AKAP9: variants seen among roughly 807,000 people sequenced by gnomAD.
The protein encoded by AKAP9 is A-kinase anchoring protein 9, also known as A-kinase anchor protein 9.
Under a neutral mutation model 488.5 loss-of-function variants are expected in AKAP9, and 311 were observed. The ratio of observed to expected loss-of-function variants is 0.64; its 90% CI spans 0.58 to 0.70. The LOEUF (loss-of-function observed/expected upper bound fraction) is 0.70. AKAP9 is among the 30% of genes least tolerant of loss of function. AKAP9 has a pLI of 0.00. For missense variants in AKAP9, 4,215 were observed against 4,374.5 expected (o/e 0.96, Z 1.03); for synonymous variants, 1,462 against 1,483.5 (o/e 0.99, Z 0.33).
intron 8 of AKAP9, among the ~76,000 whole-genome samples, chr7:92,010,588 G>A (rs1042867010): frequency 3.9e-4 from 59 of 152,118 alleles, no homozygotes; most frequent in African/African-American, 1.4e-3. Flanking sequence ...TAAACTCCTG[G>A]GCTCAAGCAG....
chr7:91,974,803 ATTTGT>A (rs1316701412), intron 2 of AKAP9, among the ~76,000 whole-genome samples: 1 of 151,176 alleles, frequency 6.6e-6, no homozygotes, highest in Non-Finnish European at 1.5e-5. Flanking sequence ...AACGTCTCAC[ATTTGT>A]TTTGTTAAAT....
intron 2 of AKAP9, among the ~76,000 whole-genome samples, chr7:91,978,700 G>A (rs1379813826): frequency 6.6e-6 from 1 of 151,878 alleles, no homozygotes; most frequent in African/African-American, 2.4e-5. Flanking sequence ...GCATCATGAT[G>A]ATATGATTTT....
In AKAP9 at chr7:92,045,175, C is replaced by T. The variant is rs747099944; in HGVS notation, c.5330C>T (p.Ala1777Val). 2 of 1,613,688 alleles carry T rather than the reference C, an allele frequency of 1.2e-6. No individual in the cohort carries two copies. Among genetic ancestry groups the T allele is most frequent in the East Asian group, 4.5e-5 (2 of 44,862 alleles). The change falls in exon 21 of 50, where the codon GCA becomes GTA. Residue 1777 changes from alanine to valine, a missense_variant. By Grantham distance (64) the Ala-to-Val change is moderately conservative. Around this residue, in one of 5 missense-constraint regions of AKAP9, gnomAD observed 2,361 missense variants for 2,430.0 expected, o/e 0.97. Transcript: ENST00000356239. The part of the protein sequence containing the change: ...ASLIWRSEAE[A>V]SVKSCVHEEH... ...CTAATTTGGAGGTCAGAAGCAGAGGCATCTGTAAAGTCATGTGTCCATGAG... is the reference window on the plus strand; with the variant it reads ...CTAATTTGGAGGTCAGAAGCAGAGGTATCTGTAAAGTCATGTGTCCATGAG...
At chr7:92,062,555 G>A in intron 24 of AKAP9, 69 bp downstream of exon 24, 1 of 1,401,790 alleles carries the variant, frequency 7.1e-7, no homozygotes, top group South Asian at 1.2e-5. Flanking sequence ...GGCTTAAGGT[G>A]GCTTTTTTCC....
At chr7:91,942,931 A>G (rs1238564473) in intron 1 of AKAP9, among the ~76,000 whole-genome samples, 1 of 152,042 alleles carries the variant, frequency 6.6e-6, no homozygotes, top group Non-Finnish European at 1.5e-5. Context: ...TAGCTATACA[A>G]TATAAAAATG....
intron 3 of AKAP9, 74 bp from the exon 4 acceptor site, chr7:91,992,084 G>C: frequency 2.4e-6 from 3 of 1,249,844 alleles, no homozygotes; most frequent in Non-Finnish European, 3.5e-6. Flanking sequence ...CGTGAATACA[G>C]TTAACAGAAA....
intron 1 of AKAP9, among the ~76,000 whole-genome samples, chr7:91,952,265 A>G (rs1051026050): frequency 6.6e-6 from 1 of 152,216 alleles, no homozygotes; most frequent in Non-Finnish European, 1.5e-5. Context: ...ACAGGGAGCT[A>G]TTTATTTACT....
intron 2 of AKAP9, among the ~76,000 whole-genome samples, chr7:91,979,987 G>A (rs1303681177): frequency 6.6e-6 from 1 of 152,176 alleles, no homozygotes; most frequent in Non-Finnish European, 1.5e-5. Context: ...AGGATTGGAG[G>A]AATGGTGTCT....
At position 92,102,721 on chromosome 7, in the gene AKAP9, G is replaced by C. The variant is rs34101758; in HGVS notation, c.11225G>C (p.Arg3742Pro). Reference sequence around the variant, plus strand: ...GATGCCACCTTGGCCCTGCTTGCCCGGATGGGGGGGCAGCCAGCTTTCACG... The same window carrying C: ...GATGCCACCTTGGCCCTGCTTGCCCCGATGGGGGGGCAGCCAGCTTTCACG... ...CEDATLALLA[R>P]MGGQPAFTDL... The change falls in exon 46 of 50, where the codon CGG becomes CCG. Residue 3742 changes from arginine (R) to proline (P), a missense_variant. By Grantham distance (103) the Arg-to-Pro change is moderately radical. This residue lies in a region of AKAP9 where 253 missense variants were observed against 266.8 expected (regional missense o/e 0.95). Transcript: ENST00000356239. The C allele has an allele frequency of 4.5e-4, 729 of 1,614,192 alleles. 1 individual carries two copies. In the African/African-American group the frequency reaches 8.9e-3, roughly 20 times the overall value.
Position 91,941,301 on chromosome 7 carries a change from C to A in AKAP9, c.48+154C>A, listed in dbSNP as rs7797369. On this transcript the variant is annotated intron_variant, in intron 1 of 49. Transcript: ENST00000356239. ...TAGGGTCTGCATCTCTCCTCGCCCT[C>A]CTCCTTTCCCCTTTTTCCAGTTGGG... 0.62 allele frequency: 380,063 copies of A among 615,932 alleles called. 119,313 individuals carry two copies. The highest frequency in any genetic ancestry group is 0.82 in the East Asian group (28,847 of 35,116). The allele number at this position is 615,932 out of a possible 1,614,324, so 38.2% of individuals were successfully genotyped here. A position where few individuals can be genotyped will look rare whatever the true frequency, so the allele number is the denominator to read the frequency against.
chr7:91,972,514 C>CT (rs2130558209), intron 1 of AKAP9, among the ~76,000 whole-genome samples: 1 of 152,294 alleles, frequency 6.6e-6, no homozygotes, highest in Non-Finnish European at 1.5e-5. Flanking sequence ...AAATCAAAGT[C>CT]TAATTCTTTT....
Position 92,070,141 on chromosome 7 carries a change from A to C in AKAP9, c.6442A>C (p.Lys2148Gln). 1 of 1,614,124 alleles carries C rather than the reference A, an allele frequency of 6.2e-7. No homozygotes were observed. Among genetic ancestry groups the C allele is most frequent in the Non-Finnish European group, 8.5e-7 (1 of 1,179,994 alleles). ...DIQERNEEIE[K>Q]LEFRVRELEQ... ...ACAAGAAAGGAATGAAGAAATAGAG[A>C]AACTGGAGTTCAGAGTAAGAGAACT... Residue 2148 changes from lysine (K) to glutamine (Q), a missense_variant, in exon 27 of 50, where the codon AAA becomes CAA. By Grantham distance (53) the Lys-to-Gln change is moderately conservative. Around this residue, in one of 5 missense-constraint regions of AKAP9, gnomAD observed 2,361 missense variants for 2,430.0 expected, o/e 0.97. Transcript: ENST00000356239.
intron 16 of AKAP9, among the ~76,000 whole-genome samples, chr7:92,034,801 T>A: frequency 6.6e-6 from 1 of 151,920 alleles, no homozygotes; most frequent in Non-Finnish European, 1.5e-5. Context: ...GCCCTGCCTG[T>A]AGTATTCTTT....
intron 3 of AKAP9, among the ~76,000 whole-genome samples, chr7:91,987,174 T>C (rs1797203980): frequency 1.3e-5 from 2 of 152,228 alleles, no homozygotes; most frequent in South Asian, 4.1e-4. Context: ...ATCCCACACT[T>C]TGGGAGGCCA....
chr7:92,017,084 T>G lies in AKAP9; in HGVS notation c.3819T>G (p.Leu1273=). 6.3e-7 allele frequency: 1 copy of G among 1,581,452 alleles called. No homozygotes were observed. Among genetic ancestry groups the G allele is most frequent in the Non-Finnish European group, 8.7e-7 (1 of 1,155,646 alleles). ...AAGAATACAACAAACTCTTGGTACT[T>G]CAAACACGACTAAGCAAGGTCTGTG... ...VTEEYNKLLV[L]QTRLSKIWGQ... The change falls in exon 12 of 50, where the codon CTT becomes CTG. Residue 1273 remains leucine, a synonymous_variant. Coordinates refer to ENST00000356239, the MANE Select transcript of AKAP9 (RefSeq NM_005751.5).
chr7:92,039,126 G>A (rs533025657), intron 17 of AKAP9, among the ~76,000 whole-genome samples: 4 of 152,056 alleles, frequency 2.6e-5, no homozygotes, highest in African/African-American at 4.8e-5. Context: ...GGATGGTCTC[G>A]ATCTCTTGAC....
intron 8 of AKAP9, among the ~76,000 whole-genome samples, chr7:92,010,779 A>G (rs1365879405): frequency 6.6e-6 from 1 of 152,068 alleles, no homozygotes; most frequent in East Asian, 1.9e-4. Flanking sequence ...TCAGCCTCCT[A>G]AGTAGCTGGG....
intron 2 of AKAP9, among the ~76,000 whole-genome samples, chr7:91,975,867 G>T (rs537621739): frequency 6.3e-4 from 93 of 146,820 alleles, no homozygotes; most frequent in African/African-American, 2.2e-3. Context: ...AAATGTTGAG[G>T]TTTTTTTGTT....
Position 92,079,966 on chromosome 7 carries a change from A to T in AKAP9, c.7833A>T (p.Leu2611Phe), listed in dbSNP as rs1293817927. 7 of 1,587,030 alleles carry T rather than the reference A, an allele frequency of 4.4e-6. No homozygotes were observed. Among genetic ancestry groups the T allele is most frequent in the Non-Finnish European group, 6.0e-6 (7 of 1,170,586 alleles). The stretch of plus-strand genomic sequence containing the variant: ...CATTAACCTTGAGAATATCAGAATT[A>T]GAAAGCCAGGTTGTTGAAATGCATA... The part of the protein sequence containing the change: ...ISALTLRISE[L>F]ESQVVEMHTS... Residue 2611 changes from leucine to phenylalanine, a missense_variant, in exon 31 of 50, where the codon TTA (leucine) becomes TTT (phenylalanine). Coordinates refer to ENST00000356239, the MANE Select transcript of AKAP9 (RefSeq NM_005751.5).
Sources: gnomAD v4.1 joint callset for allele counts (sites outside exome capture counted in the v4.1 genomes callset) on GRCh38, gnomAD v4.1.1 for gene constraint, gnomAD v4.1.1 regional missense constraint, MANE v1.5 for transcripts, NCBI Gene and HGNC (gene_info 2026-07-23, HGNC 2026-07-21) for gene names.